The following TRMT61B variants were observed in gnomAD, a reference collection of about 807,000 sequenced individuals.
TRMT61B encodes the protein tRNA (adenine(58)-N(1))-methyltransferase, mitochondrial.
In TRMT61B, 56 loss-of-function variants were observed where a neutral mutation model predicts 52.0. The ratio of observed to expected loss-of-function variants is 1.08; its 90% CI spans 0.87 to 1.35. The LOEUF is 1.35. Ranked by LOEUF, TRMT61B falls within the 40% of genes most tolerant of loss-of-function variation. The pLI, the probability that TRMT61B is intolerant of heterozygous loss-of-function variation, is 0.00. For synonymous variants in TRMT61B, 206 were observed against 220.0 expected, an observed-to-expected ratio of 0.94 and a Z score of 0.56; for missense variants, 650 against 577.9, an observed-to-expected ratio of 1.12 and a Z score of -1.28.
At chr2:28,855,919 C>T (rs760558130) in intron 3 of TRMT61B, among the ~76,000 whole-genome samples, 8 of 151,890 alleles carry the variant, frequency 5.3e-5, no homozygotes, top group African/African-American at 1.5e-4. Flanking sequence ...TGCAGTGAGC[C>T]GAGATCACGC....
intron 2 of TRMT61B, among the ~76,000 whole-genome samples, chr2:28,862,584 C>T (rs574270922): frequency 2.6e-5 from 4 of 151,416 alleles, no homozygotes; most frequent in Admixed American, 6.6e-5. Context: ...CTGCCTGCCT[C>T]GGCCTCCCAA....
Position 28,869,641 on chromosome 2 carries a change from T to C in TRMT61B, c.637A>G (p.Arg213Gly). 6.2e-7 allele frequency: 1 copy of C among 1,614,168 alleles called. No individual in the cohort carries two copies. Among genetic ancestry groups the C allele is most frequent in the Non-Finnish European group, 8.5e-7 (1 of 1,180,038 alleles). The part of the protein sequence containing the change: ...SSFGKQYMLR[R>G]PALEDYVVLM... ...ACTACATAGTCTTCCAAGGCTGGCC[T>C]CCTCAGCATGTACTGCTTACCGAAG... Residue 213 changes from arginine to glycine, a missense_variant, in exon 1 of 7, where the codon AGG (arginine) becomes GGG (glycine). Arg to Gly is a moderately radical substitution (Grantham distance 125). Transcript: ENST00000306108.
chr2:28,853,487 T>C (rs1255990808), intron 3 of TRMT61B, among the ~76,000 whole-genome samples: 1 of 152,172 alleles, frequency 6.6e-6, no homozygotes, highest in Non-Finnish European at 1.5e-5. Flanking sequence ...ACAATGTGAA[T>C]TTCTATTGCC....
intron 2 of TRMT61B, among the ~76,000 whole-genome samples, chr2:28,863,317 C>G (rs6738231): frequency 0.9 from 137,166 of 151,684 alleles, 62,080 homozygotes; most frequent in Non-Finnish European, 0.93. Flanking sequence ...TATTGTCCCA[C>G]CTACTTGGGA....
intron 1 of TRMT61B, 92 bp downstream of exon 1, chr2:28,869,487 G>T: frequency 1.2e-6 from 1 of 857,174 alleles, no homozygotes; most frequent in South Asian, 1.9e-5. Flanking sequence ...CAAACGTTCT[G>T]AGATGTCTTT....
chr2:28,850,110 A>C lies in TRMT61B; in HGVS notation c.*89T>G. The C allele has an allele frequency of 7.6e-7, 1 of 1,318,916 alleles. No homozygotes were observed. Among genetic ancestry groups the C allele is most frequent in the Non-Finnish European group, 1.1e-6 (1 of 935,492 alleles). The allele number at this position is 1,318,916 out of a possible 1,614,324, so 81.7% of individuals were successfully genotyped here. ...ATATAAGTCATAGTAATAGCTAAAAATGCCAATCTATGGAAGCAGTGATTT... is the reference window on the plus strand; with the variant it reads ...ATATAAGTCATAGTAATAGCTAAAACTGCCAATCTATGGAAGCAGTGATTT... On this transcript the variant is annotated 3_prime_UTR_variant, in exon 7 of 7. Coordinates refer to ENST00000306108, the MANE Select transcript of TRMT61B (RefSeq NM_017910.4).
chr2:28,867,087 C>T (rs1403152232), intron 1 of TRMT61B, among the ~76,000 whole-genome samples: 5 of 151,944 alleles, frequency 3.3e-5, no homozygotes, highest in East Asian at 1.9e-4. Flanking sequence ...GTGTGAGTGA[C>T]GGCACCTGCC....
chr2:28,859,560 G>C (rs1361377974), intron 3 of TRMT61B, among the ~76,000 whole-genome samples: 1 of 151,814 alleles, frequency 6.6e-6, no homozygotes, highest in African/African-American at 2.4e-5. Flanking sequence ...TAATTCTTTG[G>C]TCCTAACGGT....
rs1558354256 is a variant in TRMT61B, at chr2:28,870,146, A to G, written c.132T>C (p.Pro44=). The change falls in exon 1 of 7, where the codon CCT becomes CCC. Residue 44 remains proline, a synonymous_variant. Coordinates refer to ENST00000306108, the MANE Select transcript of TRMT61B (RefSeq NM_017910.4). ...GARSLCCRSS[P]RDLRDGEREH... ...CTCTTTCTCCATCTCGCAGGTCTCT[A>G]GGCGAGGACCTGCAACACAGTGACC... 2 of 1,613,992 alleles carry G rather than the reference A, an allele frequency of 1.2e-6. No homozygotes were observed. Among genetic ancestry groups the G allele is most frequent in the Non-Finnish European group, 1.7e-6 (2 of 1,180,012 alleles).
chr2:28,857,145 G>T (rs1163127191), intron 3 of TRMT61B, among the ~76,000 whole-genome samples: 1 of 151,896 alleles, frequency 6.6e-6, no homozygotes, highest in Admixed American at 6.6e-5. Context: ...TGTTAGCCAG[G>T]TTGGTCTCAA....
chr2:28,852,711 C>T (rs925710827), intron 3 of TRMT61B, among the ~76,000 whole-genome samples: 2 of 151,852 alleles, frequency 1.3e-5, no homozygotes, highest in Non-Finnish European at 2.9e-5. Flanking sequence ...GTAATCCCAA[C>T]ACTTTGGGAG....
Position 28,849,911 on chromosome 2 carries a change from T to C in TRMT61B, c.*288A>G. On this transcript the variant is annotated 3_prime_UTR_variant, in exon 7 of 7. Transcript: ENST00000306108. ...CTAATTTCTTGAAGAAAGACAAATC[T>C]ATGGAGTGGTTTACAGGAAGTGAAG... The C allele has an allele frequency of 1.3e-6, 2 of 1,596,086 alleles. No individual in the cohort carries two copies. Among genetic ancestry groups the C allele is most frequent in the Non-Finnish European group, 1.7e-6 (2 of 1,175,042 alleles).
chr2:28,855,436 T>C (rs1304507869), intron 3 of TRMT61B, among the ~76,000 whole-genome samples: 2 of 152,180 alleles, frequency 1.3e-5, no homozygotes, highest in Non-Finnish European at 2.9e-5. Context: ...TGGCTTGTAA[T>C]AGCAAAGAGC....
intron 3 of TRMT61B, among the ~76,000 whole-genome samples, chr2:28,852,980 T>C (rs1669188926): frequency 6.6e-6 from 1 of 152,090 alleles, no homozygotes; most frequent in African/African-American, 2.4e-5. Context: ...CAATTTGTCA[T>C]AGTACTTGAT....
At chr2:28,868,805 G>C (rs1397804423) in intron 1 of TRMT61B, among the ~76,000 whole-genome samples, 4 of 152,196 alleles carry the variant, frequency 2.6e-5, no homozygotes, top group Admixed American at 6.5e-5. Context: ...TTGAGGCCAC[G>C]AGTTGAAGAC....
At chr2:28,869,227 A>G (rs1192278457) in intron 1 of TRMT61B, among the ~76,000 whole-genome samples, 1 of 152,220 alleles carries the variant, frequency 6.6e-6, no homozygotes, top group East Asian at 1.9e-4. Flanking sequence ...CTAAGAGTTC[A>G]ACATTCTCTT....
intron 3 of TRMT61B, among the ~76,000 whole-genome samples, chr2:28,860,443 C>T (rs1387453406): frequency 6.6e-6 from 1 of 152,132 alleles, no homozygotes; most frequent in African/African-American, 2.4e-5. Context: ...TGTGAAGTGG[C>T]ATCACCAAGG....
rs754865572 is a variant in TRMT61B, at chr2:28,869,762, A to C, written c.516T>G (p.Phe172Leu). The C allele has an allele frequency of 2.5e-6, 4 of 1,614,050 alleles. No individual in the cohort carries two copies. Among genetic ancestry groups the C allele is most frequent in the Admixed American group, 3.3e-5 (2 of 59,996 alleles). ...TTAAGAGTCCGAAGTTGTTCAACCTAAATAATTTCTTAAATTTTGTTTCTC... is the reference window on the plus strand; with the variant it reads ...TTAAGAGTCCGAAGTTGTTCAACCTCAATAATTTCTTAAATTTTGTTTCTC... ...GEGETKFKKLFRLNNFGLLNS... is the reference protein window; with the variant it reads ...GEGETKFKKLLRLNNFGLLNS... The change falls in exon 1 of 7, where the codon TTT becomes TTG. Residue 172 changes from phenylalanine (F) to leucine (L), a missense_variant. Transcript: ENST00000306108.
intron 4 of TRMT61B, among the ~76,000 whole-genome samples, 190 bp downstream of exon 4, chr2:28,852,218 C>A (rs1669139150): frequency 7.0e-6 from 1 of 143,564 alleles, no homozygotes; most frequent in Non-Finnish European, 1.5e-5. Context: ...GAGGCTGAGG[C>A]AGGATAATTG....
Sources: allele counts gnomAD v4.1 joint callset (sites outside exome capture counted in the v4.1 genomes callset), GRCh38; gene constraint gnomAD v4.1.1; transcripts MANE v1.5; gene names NCBI Gene and HGNC (gene_info 2026-07-23, HGNC 2026-07-21).